NHLRC1: variants seen among roughly 807,000 people sequenced by gnomAD.
NHLRC1 encodes the protein E3 ubiquitin-protein ligase NHLRC1.
A neutral mutation model predicts 14.6 loss-of-function variants in NHLRC1; 10 were observed. The observed-to-expected ratio is 0.69, with a 90% CI of 0.42 to 1.17. The LOEUF (loss-of-function observed/expected upper bound fraction) is 1.17, where lower values mean the gene tolerates loss of function less well. Ranked by LOEUF, NHLRC1 falls within the 50% of genes most tolerant of loss-of-function variation. NHLRC1 has a pLI of 0.00. For synonymous variants in NHLRC1, 231 were observed against 224.0 expected (o/e 1.03, Z -0.28); for missense variants, 526 against 522.9 (o/e 1.01, Z -0.06).
chr6:18,122,456 A>G lies in NHLRC1; in HGVS notation c.151T>C (p.Cys51Arg). Reference sequence around the variant, plus strand: ...GCCAGGGCGGCCACGCAGGCCAGGCAGACCACGTGGCCGCAGGACAGGTTG... The same window carrying G: ...GCCAGGGCGGCCACGCAGGCCAGGCGGACCACGTGGCCGCAGGACAGGTTG... Reference protein sequence around the residue: ...PRNLSCGHVVCLACVAALAHP... With the variant: ...PRNLSCGHVVRLACVAALAHP... Residue 51 changes from cysteine (C) to arginine (R), a missense_variant, in exon 1 of 1, where the codon TGC becomes CGC. Physicochemically the swap from Cys to Arg is radical, Grantham distance 180. Coordinates refer to ENST00000340650, the MANE Select transcript of NHLRC1 (RefSeq NM_198586.3). 1.9e-6 allele frequency: 3 copies of G among 1,595,686 alleles called. No homozygotes were observed. Among genetic ancestry groups the G allele is most frequent in the Non-Finnish European group, 2.5e-6 (3 of 1,178,742 alleles).
In NHLRC1 at chr6:18,122,067, G is replaced by T; in HGVS notation, c.540C>A (p.Val180=). The change falls in exon 1 of 1, where the codon GTC becomes GTA. Residue 180 remains valine, a synonymous_variant. Coordinates refer to ENST00000340650, the MANE Select transcript of NHLRC1 (RefSeq NM_198586.3). ...CCACATGGCAGTCGTTGGTGATGGT[G>T]ACATCCACAGGGTACCTAATGTCTT... ...AAQDIRYPVD[V]TITNDCHVVV... 1 of 1,614,202 alleles carries T rather than the reference G, an allele frequency of 6.2e-7. No individual in the cohort carries two copies.
rs910090997 is a variant in NHLRC1 at position 18,120,773 on chromosome 6, C to A, written c.*646G>T. Reference sequence around the variant, plus strand: ...TATTTAAGCGCAACTTATTTGGAATCAGAATTGAATTCAAATTGGGACTAA... The same window carrying A: ...TATTTAAGCGCAACTTATTTGGAATAAGAATTGAATTCAAATTGGGACTAA... On this transcript the variant is annotated 3_prime_UTR_variant, in exon 1 of 1. Transcript: ENST00000340650. 6.5e-6 allele frequency: 1 copy of A among 153,182 alleles called. No individual in the cohort carries two copies. Among genetic ancestry groups the A allele is most frequent in the Admixed American group, 6.5e-5 (1 of 15,444 alleles). 9.5% of individuals were successfully genotyped at this position (153,182 alleles called of 1,614,324 possible). A position where few individuals can be genotyped will look rare whatever the true frequency, so the allele number is the denominator to read the frequency against.
chr6:18,121,832 C>A lies in NHLRC1; in HGVS notation c.775G>T (p.Ala259Ser), dbSNP rs1783740022. 3.1e-6 allele frequency: 5 copies of A among 1,614,106 alleles called. No homozygotes were observed. Among genetic ancestry groups the A allele is most frequent in the Middle Eastern group, 3.3e-4 (2 of 6,062 alleles). The change falls in exon 1 of 1, where the codon GCT becomes TCT. Residue 259 changes from alanine to serine, a missense_variant. Coordinates refer to ENST00000340650, the MANE Select transcript of NHLRC1 (RefSeq NM_198586.3). This position sits in a 1 kb window ranked among gnomAD's most constrained non-coding sequence, Gnocchi z 4.7. Reference sequence around the variant, plus strand: ...ACCCCTCGGGGATTGCACAGATGAGCTTGCAACCTTTCAGTTCTCCGAAGG... The same window carrying A: ...ACCCCTCGGGGATTGCACAGATGAGATTGCAACCTTTCAGTTCTCCGAAGG... ...GVLRRTERLQ[A>S]HLCNPRGVAV... is the part of the protein sequence containing the mutation.
At position 18,122,613 on chromosome 6, in the gene NHLRC1, T is replaced by A. The variant is rs1367420657; in HGVS notation, c.-7A>T. 3 of 1,588,296 alleles carry A rather than the reference T, an allele frequency of 1.9e-6. No individual in the cohort carries two copies. Among genetic ancestry groups the A allele is most frequent in the African/African-American group, 1.3e-5 (1 of 74,646 alleles). On this transcript the variant is annotated 5_prime_UTR_variant, in exon 1 of 1. Coordinates refer to ENST00000340650, the MANE Select transcript of NHLRC1 (RefSeq NM_198586.3). ...CCGAGGCTTCGGCCGCCATGGCGCG[T>A]CCTGTGCACTCCCGCCGCGCCGCCT...
In NHLRC1 at chr6:18,121,387, T is replaced by G; in HGVS notation, c.*32A>C. On this transcript the variant is annotated 3_prime_UTR_variant, in exon 1 of 1. Transcript: ENST00000340650. The surrounding 1 kb of genome is among the most constrained non-coding windows in gnomAD (Gnocchi z 4.7). ...AACAATTCATTAATGGCAGCACTAG[T>G]GCTTCTGATTCCAGGGACCCACCCC... The G allele has an allele frequency of 6.7e-7, 1 of 1,500,674 alleles. No homozygotes were observed. 93.0% of individuals were successfully genotyped at this position (1,500,674 alleles called of 1,614,324 possible). A position where few individuals can be genotyped will look rare whatever the true frequency, so the allele number is the denominator to read the frequency against.
Position 18,122,661 on chromosome 6 carries a change from C to T in NHLRC1, c.-55G>A, listed in dbSNP as rs1783765004. ...CCTGGCCGTGCCCCAGCGACGCTCT[C>T]GGTCACGGTCACAGTCATGGTCACG... On this transcript the variant is annotated 5_prime_UTR_variant, in exon 1 of 1. Coordinates refer to ENST00000340650, the MANE Select transcript of NHLRC1 (RefSeq NM_198586.3). The T allele has an allele frequency of 4.0e-6, 6 of 1,482,728 alleles. No homozygotes were observed. Among genetic ancestry groups the T allele is most frequent in the East Asian group, 2.4e-5 (1 of 42,506 alleles). 91.8% of individuals were successfully genotyped at this position (1,482,728 alleles called of 1,614,324 possible).
rs1403101337 is a variant in NHLRC1 at position 18,122,079 on chromosome 6, G to C, written c.528C>G (p.Tyr176Ter). ...EKGDAAQDIR[Y>*]PVDVTITNDC... ...CGTTGGTGATGGTGACATCCACAGG[G>C]TACCTAATGTCTTGGGCAGCGTCCC... Residue 176 changes from tyrosine to a stop codon, truncating the protein, a stop_gained, in exon 1 of 1, where the codon TAC becomes TAG. Transcript: ENST00000340650. LOFTEE classifies it high-confidence loss of function. 1.2e-6 allele frequency: 2 copies of C among 1,614,172 alleles called. No individual in the cohort carries two copies. The highest frequency in any genetic ancestry group is 8.5e-7 in the Non-Finnish European group (1 of 1,180,034).
chr6:18,121,441 AC>A lies in NHLRC1; in HGVS notation c.1165del (p.Val389SerfsTer31). On this transcript the variant is annotated frameshift_variant, in exon 1 of 1. Transcript: ENST00000340650. LOFTEE classifies it high-confidence loss of function. The surrounding 1 kb of genome is among the most constrained non-coding windows in gnomAD (Gnocchi z 4.7). ...CCATCACCCCCAGTCAACTTTATAG[AC>A]TTTTATAGAATGAGATGCTGTGTCC... ...VLDTASHSIKVYKVDWG is the reference protein window; with the variant it reads ...VLDTASHSIKXYKVDWG The A allele has an allele frequency of 6.2e-7, 1 of 1,613,956 alleles. No homozygotes were observed. Among genetic ancestry groups the A allele is most frequent in the Non-Finnish European group, 8.5e-7 (1 of 1,179,950 alleles).
chr6:18,121,320 CCCTG>C lies in NHLRC1; in HGVS notation c.*95_*98del. 1 of 864,480 alleles carries C rather than the reference CCCTG, an allele frequency of 1.2e-6. No individual in the cohort carries two copies. Among genetic ancestry groups the C allele is most frequent in the Middle Eastern group, 2.2e-4 (1 of 4,614 alleles). 53.6% of individuals were successfully genotyped at this position (864,480 alleles called of 1,614,324 possible). On this transcript the variant is annotated 3_prime_UTR_variant, in exon 1 of 1. Transcript: ENST00000340650. The surrounding 1 kb of genome is among the most constrained non-coding windows in gnomAD (Gnocchi z 4.7). Reference sequence around the variant, plus strand: ...AAGTCTGCCAGATGGTTTTAATTATCCCTGCCTGGATAGATGAGTTTAAGTGACT... The same window carrying C: ...AAGTCTGCCAGATGGTTTTAATTATCCCTGGATAGATGAGTTTAAGTGACT...
At position 18,122,342 on chromosome 6, in the gene NHLRC1, G is replaced by T; in HGVS notation, c.265C>A (p.Leu89Ile). 6.3e-7 allele frequency: 1 copy of T among 1,576,542 alleles called. No homozygotes were observed. The highest frequency in any genetic ancestry group is 1.1e-5 in the South Asian group (1 of 89,402). Residue 89 changes from leucine (L) to isoleucine (I), a missense_variant, in exon 1 of 1, where the codon CTC becomes ATC. Transcript: ENST00000340650. ...DTSDCLPVLH[L>I]IELLGSALRQ... The stretch of plus-strand genomic sequence containing the variant: ...AGCGCTGAGCCCAGGAGCTCTATGA[G>T]GTGCAGCACCGGCAGGCAGTCGCTG...
rs774593043 is a variant in NHLRC1, at chr6:18,122,652, C to A, written c.-46G>T. 4 of 1,528,288 alleles carry A rather than the reference C, an allele frequency of 2.6e-6. No homozygotes were observed. The highest frequency in any genetic ancestry group is 2.7e-6 in the Non-Finnish European group (3 of 1,127,748). The allele number at this position is 1,528,288 out of a possible 1,614,324, so 94.7% of individuals were successfully genotyped here. A position where few individuals can be genotyped will look rare whatever the true frequency, so the allele number is the denominator to read the frequency against. On this transcript the variant is annotated 5_prime_UTR_variant, in exon 1 of 1. Transcript: ENST00000340650. ...GCCGCGCCGCCTGGCCGTGCCCCAG[C>A]GACGCTCTCGGTCACGGTCACAGTC...
Position 18,121,961 on chromosome 6 carries a change from A to C in NHLRC1, c.646T>G (p.Ser216Ala). 3.1e-6 allele frequency: 5 copies of C among 1,614,256 alleles called. No homozygotes were observed. The highest frequency in any genetic ancestry group is 4.2e-6 in the Non-Finnish European group (5 of 1,180,044). ...QIKLVIGGQF[S>A]LPWGVETTPQ... ...GTGGTCTCCACACCCCAAGGTAAGG[A>C]GAATTGGCCTCCAATGACAAGCTTG... Residue 216 changes from serine (S) to alanine (A), a missense_variant, in exon 1 of 1, where the codon TCC (serine) becomes GCC (alanine). Coordinates refer to ENST00000340650, the MANE Select transcript of NHLRC1 (RefSeq NM_198586.3). The surrounding 1 kb of genome is among the most constrained non-coding windows in gnomAD (Gnocchi z 4.7).
At position 18,121,826 on chromosome 6, in the gene NHLRC1, G is replaced by C. The variant is rs778928979; in HGVS notation, c.781C>G (p.Leu261Val). 1.9e-6 allele frequency: 3 copies of C among 1,614,102 alleles called. No homozygotes were observed. Among genetic ancestry groups the C allele is most frequent in the Non-Finnish European group, 2.5e-6 (3 of 1,180,044 alleles). The change falls in exon 1 of 1, where the codon CTG (leucine) becomes GTG (valine). Residue 261 changes from leucine to valine, a missense_variant. Transcript: ENST00000340650. The surrounding 1 kb of genome is among the most constrained non-coding windows in gnomAD (Gnocchi z 4.7). ...ACTGCCACCCCTCGGGGATTGCACAGATGAGCTTGCAACCTTTCAGTTCTC... is the reference window on the plus strand; with the variant it reads ...ACTGCCACCCCTCGGGGATTGCACACATGAGCTTGCAACCTTTCAGTTCTC... ...LRRTERLQAH[L>V]CNPRGVAVSW...
chr6:18,122,273 C>T lies in NHLRC1; in HGVS notation c.334G>A (p.Gly112Arg). Residue 112 changes from glycine (G) to arginine (R), a missense_variant, in exon 1 of 1, where the codon GGA becomes AGA. Gly to Arg is a moderately radical substitution (Grantham distance 125). Coordinates refer to ENST00000340650, the MANE Select transcript of NHLRC1 (RefSeq NM_198586.3). ...AAGGTGTGGTGGCAGGTGAGGGCTC[C>T]GGGGGCGCTGGGGGCGGCGCGATGG... ...AAHRAAPSAP[G>R]ALTCHHTFGG... 6 of 1,602,760 alleles carry T rather than the reference C, an allele frequency of 3.7e-6. No homozygotes were observed. Among genetic ancestry groups the T allele is most frequent in the South Asian group, 1.1e-5 (1 of 90,930 alleles).
At position 18,121,829 on chromosome 6, in the gene NHLRC1, G is replaced by A. The variant is rs772199816; in HGVS notation, c.778C>T (p.His260Tyr). 2 of 1,613,940 alleles carry A rather than the reference G, an allele frequency of 1.2e-6. No individual in the cohort carries two copies. The highest frequency in any genetic ancestry group is 1.3e-5 in the African/African-American group (1 of 74,900). Residue 260 changes from histidine to tyrosine, a missense_variant, in exon 1 of 1, where the codon CAT (histidine) becomes TAT (tyrosine). His to Tyr is a moderately conservative substitution (Grantham distance 83, BLOSUM62 2). Transcript: ENST00000340650. The surrounding 1 kb of genome is among the most constrained non-coding windows in gnomAD (Gnocchi z 4.7). The stretch of plus-strand genomic sequence containing the variant: ...GCCACCCCTCGGGGATTGCACAGAT[G>A]AGCTTGCAACCTTTCAGTTCTCCGA... ...VLRRTERLQA[H>Y]LCNPRGVAVS...
rs144043056 is a variant in NHLRC1 at position 18,121,828 on chromosome 6, T to G, written c.779A>C (p.His260Pro). 1 of 1,614,018 alleles carries G rather than the reference T, an allele frequency of 6.2e-7. No homozygotes were observed. The highest frequency in any genetic ancestry group is 8.5e-7 in the Non-Finnish European group (1 of 1,180,022). ...TGCCACCCCTCGGGGATTGCACAGA[T>G]GAGCTTGCAACCTTTCAGTTCTCCG... ...VLRRTERLQA[H>P]LCNPRGVAVS... The change falls in exon 1 of 1, where the codon CAT becomes CCT. Residue 260 changes from histidine (H) to proline (P), a missense_variant. Coordinates refer to ENST00000340650, the MANE Select transcript of NHLRC1 (RefSeq NM_198586.3). The surrounding 1 kb of genome is among the most constrained non-coding windows in gnomAD (Gnocchi z 4.7).
rs1247832702 is a variant in NHLRC1 at position 18,120,496 on chromosome 6, C to T, written c.*923G>A. 1 of 152,108 alleles carries T rather than the reference C, an allele frequency of 6.6e-6. No homozygotes were observed. The highest frequency in any genetic ancestry group is 1.5e-5 in the Non-Finnish European group (1 of 68,008). 9.4% of individuals were successfully genotyped at this position (152,108 alleles called of 1,614,324 possible). On this transcript the variant is annotated 3_prime_UTR_variant, in exon 1 of 1. Coordinates refer to ENST00000340650, the MANE Select transcript of NHLRC1 (RefSeq NM_198586.3). ...ATATAGGCGTTAAAAGACATGTTTA[C>T]TTTTTTAATAAGCAGTTCAATTGTT...
Position 18,121,844 on chromosome 6 carries a change from C to T in NHLRC1, c.763G>A (p.Glu255Lys). 1 of 1,614,120 alleles carries T rather than the reference C, an allele frequency of 6.2e-7. No homozygotes were observed. Among genetic ancestry groups the T allele is most frequent in the South Asian group, 1.1e-5 (1 of 91,082 alleles). The change falls in exon 1 of 1, where the codon GAA becomes AAA. Residue 255 changes from glutamate (E) to lysine (K), a missense_variant. Physicochemically the swap from Glu to Lys is moderately conservative, Grantham distance 56. Transcript: ENST00000340650. The surrounding 1 kb of genome is among the most constrained non-coding windows in gnomAD (Gnocchi z 4.7). ...TTGCACAGATGAGCTTGCAACCTTT[C>T]AGTTCTCCGAAGGACCCCTTCCGCG... Reference protein sequence around the residue: ...DFAEGVLRRTERLQAHLCNPR... With the variant: ...DFAEGVLRRTKRLQAHLCNPR...
Position 18,122,556 on chromosome 6 carries a change from G to T in NHLRC1, c.51C>A (p.Arg17=), listed in dbSNP as rs1282199944. 6.3e-7 allele frequency: 1 copy of T among 1,597,312 alleles called. No homozygotes were observed. Among genetic ancestry groups the T allele is most frequent in the Non-Finnish European group, 8.5e-7 (1 of 1,179,600 alleles). The change falls in exon 1 of 1, where the codon CGC becomes CGA. Residue 17 remains arginine (R), a synonymous_variant. Transcript: ENST00000340650. ...ACTCGAGCAGGCTGATCTCCGCCTC[G>T]CGCATGAGCTCATGCAGCGCTGGCC... ...ESGPALHELM[R]EAEISLLECK... is the part of the protein sequence containing the mutation.
Sources: gnomAD v4.1 joint callset for allele counts on GRCh38, gnomAD v4.1.1 for gene constraint, Gnocchi (gnomAD v3.1) non-coding constraint, MANE v1.5 for transcripts, NCBI Gene and HGNC (gene_info 2026-07-23, HGNC 2026-07-21) for gene names.